The following PRKN variants were observed in gnomAD, a reference collection of about 807,000 sequenced individuals.
PRKN encodes the protein E3 ubiquitin-protein ligase parkin.
PRKN carries 56 observed loss-of-function variants against 59.5 expected under a neutral mutation model. That is an observed-to-expected ratio of 0.94 (90% CI 0.76 to 1.18). The LOEUF (loss-of-function observed/expected upper bound fraction) is 1.18, where lower values mean the gene tolerates loss of function less well. Ranked by LOEUF, PRKN falls within the 50% of genes most tolerant of loss-of-function variation. The pLI is 0.00. For synonymous variants in PRKN, 250 were observed against 222.1 expected, an observed-to-expected ratio of 1.13 and a Z score of -1.12; for missense variants, 657 against 596.4, an observed-to-expected ratio of 1.10 and a Z score of -1.06.
At chr6:162,065,560 T>C (rs1280629699) in intron 4 of PRKN, among the ~76,000 whole-genome samples, 1 of 152,044 alleles carries the variant, frequency 6.6e-6, no homozygotes, top group Non-Finnish European at 1.5e-5. Flanking sequence ...TTTTCTTTTT[T>C]TTTTTTGGTC....
chr6:162,370,417 T>G (rs1488511691), intron 2 of PRKN, among the ~76,000 whole-genome samples: 1 of 152,198 alleles, frequency 6.6e-6, no homozygotes, highest in East Asian at 1.9e-4. Context: ...TGTATAAATA[T>G]TCGTCCTTGT....
intron 5 of PRKN, among the ~76,000 whole-genome samples, chr6:161,978,016 G>GTATTTTATTGTATTTTATTT (rs1554256921): frequency 4.9e-4 from 73 of 148,598 alleles, no homozygotes; most frequent in African/African-American, 1.9e-3. Context: ...TTATTTTATT[G>GTATTTTATTGTATTTTATTT]TATTTTATTT....
chr6:161,918,853 A>G (rs1322548436), intron 6 of PRKN, among the ~76,000 whole-genome samples: 2 of 152,214 alleles, frequency 1.3e-5, no homozygotes, highest in Non-Finnish European at 2.9e-5. Context: ...TCTATAATGA[A>G]CAAGTTGACA....
intron 2 of PRKN, among the ~76,000 whole-genome samples, chr6:162,348,062 T>G (rs1462288222): frequency 6.6e-6 from 1 of 152,154 alleles, no homozygotes; most frequent in Non-Finnish European, 1.5e-5. Context: ...CAAAGACTTG[T>G]TCAAGTTTAT....
intron 6 of PRKN, among the ~76,000 whole-genome samples, chr6:161,903,020 A>G (rs1777995104): frequency 1.3e-5 from 2 of 152,196 alleles, no homozygotes; most frequent in Non-Finnish European, 2.9e-5. Flanking sequence ...TCTCTACTTA[A>G]CAAGTAAGGC....
chr6:161,476,142 G>C (rs149738437), intron 9 of PRKN, among the ~76,000 whole-genome samples: 1 of 151,330 alleles, frequency 6.6e-6, no homozygotes, highest in Non-Finnish European at 1.5e-5. Context: ...AGCCGAGATC[G>C]CGCCACTGTA....
At chr6:162,433,223 C>T (rs1000326202) in intron 2 of PRKN, among the ~76,000 whole-genome samples, 2 of 152,114 alleles carry the variant, frequency 1.3e-5, no homozygotes, top group Non-Finnish European at 2.9e-5. Flanking sequence ...TTTCATATAA[C>T]ACTCAAAACA....
chr6:162,063,335 G>A (rs908677905), intron 4 of PRKN, among the ~76,000 whole-genome samples: 1 of 152,076 alleles, frequency 6.6e-6, no homozygotes, highest in Non-Finnish European at 1.5e-5. Context: ...AAAACAAGAC[G>A]TATAAGTGGC....
At chr6:161,587,876 C>T (rs1447509056) in intron 7 of PRKN, among the ~76,000 whole-genome samples, 5 of 151,980 alleles carry the variant, frequency 3.3e-5, no homozygotes, top group Non-Finnish European at 7.4e-5. Context: ...GTAACATCAC[C>T]TCTTAAGATG....
At chr6:162,079,131 C>T (rs939774204) in intron 4 of PRKN, among the ~76,000 whole-genome samples, 4 of 152,056 alleles carry the variant, frequency 2.6e-5, no homozygotes, top group African/African-American at 9.7e-5. Flanking sequence ...GGATGGAAAT[C>T]GCTGTTCACA....
At chr6:162,292,823 C>T (rs1035362089) in intron 2 of PRKN, among the ~76,000 whole-genome samples, 2 of 152,102 alleles carry the variant, frequency 1.3e-5, no homozygotes, top group African/African-American at 4.8e-5. Context: ...AGTAAAGCAA[C>T]CAATGGAATG....
chr6:162,355,244 A>AAACATAATTATGTTTTAGATCTAG (rs1407882161), intron 2 of PRKN, among the ~76,000 whole-genome samples: 10 of 151,046 alleles, frequency 6.6e-5, no homozygotes, highest in East Asian at 1.9e-4. Context: ...TAGAGATCTA[A>AAACATAATTATGTTTTAGATCTAG]AACATAATTA....
At chr6:162,075,940 T>C (rs1468661227) in intron 4 of PRKN, among the ~76,000 whole-genome samples, 1 of 147,860 alleles carries the variant, frequency 6.8e-6, no homozygotes, top group Non-Finnish European at 1.5e-5. Flanking sequence ...CTGGGGTTTG[T>C]AGACATGAAA....
At chr6:162,042,554 G>T (rs905744597) in intron 5 of PRKN, among the ~76,000 whole-genome samples, 48 of 152,046 alleles carry the variant, frequency 3.2e-4, no homozygotes, top group African/African-American at 1.0e-3. Flanking sequence ...CTCCCAAAAT[G>T]GTGGGGTTAT....
chr6:162,695,346 C>A lies in PRKN; in HGVS notation c.7+32316G>T, dbSNP rs568410731. Reference sequence around the variant, plus strand: ...ATACACTCTCAAGGTTGGTTGCTCACAGGAAGGGTAAGTATCATTAAGAAA... The same window carrying A: ...ATACACTCTCAAGGTTGGTTGCTCAAAGGAAGGGTAAGTATCATTAAGAAA... On this transcript the variant is annotated intron_variant, in intron 1 of 11. Coordinates refer to ENST00000366898, the MANE Select transcript of PRKN (RefSeq NM_004562.3). 1.5e-4 allele frequency among the ~76,000 whole-genome samples: 23 copies of A among 152,154 alleles called. No homozygotes were observed. The South Asian group carries it at 4.3e-3, about 29-fold the overall frequency.
intron 4 of PRKN, among the ~76,000 whole-genome samples, chr6:162,122,735 T>G (rs1780966621): frequency 6.6e-6 from 1 of 151,904 alleles, no homozygotes; most frequent in African/African-American, 2.4e-5. Flanking sequence ...TCTATCTATC[T>G]ATCTATCTAT....
chr6:161,592,155 T>C lies in PRKN; in HGVS notation c.872-22739A>G, dbSNP rs1781748838. Among the ~76,000 whole-genome samples the C allele has an allele frequency of 1.3e-5, 2 of 152,244 alleles. No homozygotes were observed. Among genetic ancestry groups the C allele is most frequent in the East Asian group, 3.8e-4 (2 of 5,196 alleles). ...TATTATTTTTATCGTTGTGTCATTTTTTATGTTCATTTTTTCCAAATATTT... is the reference window on the plus strand; with the variant it reads ...TATTATTTTTATCGTTGTGTCATTTCTTATGTTCATTTTTTCCAAATATTT... On this transcript the variant is annotated intron_variant, in intron 7 of 11. Coordinates refer to ENST00000366898, the MANE Select transcript of PRKN (RefSeq NM_004562.3). This position sits in a 1 kb window ranked among gnomAD's most constrained non-coding sequence, Gnocchi z 4.8.
intron 9 of PRKN, among the ~76,000 whole-genome samples, chr6:161,424,302 A>ACTC (rs1002449652): frequency 6.9e-6 from 1 of 145,516 alleles, no homozygotes; most frequent in Non-Finnish European, 1.5e-5. Context: ...ATACCACTGC[A>ACTC]CTCTGGTCTG....
intron 7 of PRKN, among the ~76,000 whole-genome samples, chr6:161,748,553 G>C (rs922550612): frequency 5.3e-5 from 8 of 152,232 alleles, no homozygotes; most frequent in African/African-American, 1.9e-4. Flanking sequence ...GCAGAATCAG[G>C]GGCAGATTCC....
Sources: gnomAD v4.1 joint callset for allele counts (sites outside exome capture counted in the v4.1 genomes callset) on GRCh38, gnomAD v4.1.1 for gene constraint, Gnocchi (gnomAD v3.1) non-coding constraint, MANE v1.5 for transcripts, NCBI Gene and HGNC (gene_info 2026-07-23, HGNC 2026-07-21) for gene names.